Variants in SPIC observed in about 807,000 individuals in gnomAD.
The protein encoded by SPIC is transcription factor Spi-C.
A neutral mutation model predicts 16.7 loss-of-function variants in SPIC; 9 were observed. That is an observed-to-expected ratio of 0.54 (90% confidence interval 0.33 to 0.94). The LOEUF (loss-of-function observed/expected upper bound fraction) is 0.94. SPIC is among the 40% of genes least tolerant of loss of function. SPIC has a pLI of 0.03. For missense variants in SPIC, 241 were observed against 285.8 expected, an observed-to-expected ratio of 0.84 and a Z score of 1.13; for synonymous variants, 97 against 102.9, an observed-to-expected ratio of 0.94 and a Z score of 0.35.
intron 5 of SPIC, 120 bp downstream of exon 5, chr12:101,483,020 T>C: frequency 1.2e-6 from 1 of 819,916 alleles, no homozygotes; most frequent in Non-Finnish European, 2.0e-6. Context: ...TTATCACATT[T>C]GAGAGTAATT....
intron 5 of SPIC, among the ~76,000 whole-genome samples, chr12:101,483,150 T>A (rs149597454): frequency 0.018 from 2,661 of 149,774 alleles, 31 homozygotes; most frequent in Middle Eastern, 0.034. Context: ...CTGAAACTCC[T>A]GGACTCAAGC....
intron 5 of SPIC, among the ~76,000 whole-genome samples, chr12:101,486,042 C>A (rs1360276638): frequency 6.6e-6 from 1 of 152,190 alleles, no homozygotes; most frequent in African/African-American, 2.4e-5. Context: ...CTCAAGTGAT[C>A]CGCCCTCCTC....
chr12:101,482,942 A>T (rs759805266), intron 5 of SPIC, 42 bp downstream of exon 5: 3 of 1,528,906 alleles, frequency 2.0e-6, no homozygotes, highest in Middle Eastern at 1.7e-4. Context: ...AAAGAACCAG[A>T]TCTTCCTCAT....
chr12:101,475,551 T>A (rs1872933149), intron 1 of SPIC, 49 bp downstream of exon 1: 1 of 152,190 alleles, frequency 6.6e-6, no homozygotes, highest in Non-Finnish European at 1.5e-5. Context: ...TCACTGTTCA[T>A]TTTTTCCTTT....
Position 101,479,671 on chromosome 12 carries a change from G to A in SPIC, c.187G>A (p.Val63Ile). Residue 63 changes from valine (V) to isoleucine (I), a missense_variant, in exon 4 of 6, where the codon GTC becomes ATC. Physicochemically the swap from Val to Ile is conservative, Grantham distance 29. Transcript: ENST00000551346. ...CYGVLPTEEPVYNWRTVINSA... is the reference protein window; with the variant it reads ...CYGVLPTEEPIYNWRTVINSA... ...TGGAGTGTTGCCTACAGAGGAGCCT[G>A]TCTATAATTGGAGAACGGTAATTGT... The A allele has an allele frequency of 6.2e-7, 1 of 1,613,306 alleles. No individual in the cohort carries two copies. The highest frequency in any genetic ancestry group is 1.1e-5 in the South Asian group (1 of 91,050).
At chr12:101,480,501 C>A (rs1873153911) in intron 4 of SPIC, among the ~76,000 whole-genome samples, 1 of 152,250 alleles carries the variant, frequency 6.6e-6, no homozygotes, top group Non-Finnish European at 1.5e-5. Context: ...GCCATCTCCC[C>A]ATTCATGTAT....
chr12:101,478,794 T>C (rs1431607274), intron 3 of SPIC, among the ~76,000 whole-genome samples: 1 of 152,146 alleles, frequency 6.6e-6, no homozygotes, highest in Non-Finnish European at 1.5e-5. Context: ...AATGCAAATA[T>C]GTTATGTATT....
chr12:101,478,113 G>A (rs1873019656), intron 3 of SPIC, among the ~76,000 whole-genome samples: 1 of 145,636 alleles, frequency 6.9e-6, no homozygotes, highest in Non-Finnish European at 1.5e-5. Context: ...CTCACTGCAA[G>A]CTCCTCCTCC....
chr12:101,481,045 T>C (rs1873172905), intron 4 of SPIC, among the ~76,000 whole-genome samples: 1 of 152,202 alleles, frequency 6.6e-6, no homozygotes, highest in African/African-American at 2.4e-5. Flanking sequence ...GCCTTCTTGA[T>C]TGGGGTGTGG....
intron 5 of SPIC, among the ~76,000 whole-genome samples, chr12:101,485,802 G>C (rs1162349709): frequency 6.6e-6 from 1 of 152,074 alleles, no homozygotes; most frequent in Non-Finnish European, 1.5e-5. Flanking sequence ...TTTGTTTTTT[G>C]AGACAGATTC....
chr12:101,483,383 G>A (rs1454753240), intron 5 of SPIC, among the ~76,000 whole-genome samples: 2 of 151,986 alleles, frequency 1.3e-5, no homozygotes, highest in Admixed American at 1.3e-4. Context: ...AACACATAGA[G>A]CTGTCATCTC....
chr12:101,479,172 A>AAAGAAAGAAAGAAAGAAAGAAAG (rs1555208932), intron 3 of SPIC, among the ~76,000 whole-genome samples: 1 of 82,934 alleles, frequency 1.2e-5, no homozygotes, highest in African/African-American at 5.6e-5. Flanking sequence ...GAAAGAAAGA[A>AAAGAAAGAAAGAAAGAAAGAAAG]AAAGAAAGAA....
chr12:101,486,811 C>G lies in SPIC; in HGVS notation c.*40C>G. The G allele has an allele frequency of 6.9e-7, 1 of 1,448,304 alleles. No individual in the cohort carries two copies. The highest frequency in any genetic ancestry group is 9.2e-7 in the Non-Finnish European group (1 of 1,084,650). The allele number at this position is 1,448,304 out of a possible 1,614,324, so 89.7% of individuals were successfully genotyped here. A position where few individuals can be genotyped will look rare whatever the true frequency, so the allele number is the denominator to read the frequency against. On this transcript the variant is annotated 3_prime_UTR_variant, in exon 6 of 6. Coordinates refer to ENST00000551346, the MANE Select transcript of SPIC (RefSeq NM_152323.3). Reference sequence around the variant, plus strand: ...TTCATGGTTTACTGGCATCGGAAATCTCTACAAGTTTTAATGATTTCTCCC... The same window carrying G: ...TTCATGGTTTACTGGCATCGGAAATGTCTACAAGTTTTAATGATTTCTCCC...
intron 3 of SPIC, among the ~76,000 whole-genome samples, chr12:101,479,270 G>GAA (rs1565831252): frequency 1.1e-5 from 1 of 93,080 alleles, no homozygotes; most frequent in East Asian, 2.5e-4. Flanking sequence ...AGGAAAGAAA[G>GAA]AAAGAAAGAA....
rs914265877 is a variant in SPIC, at chr12:101,475,427, T to C, written c.-153T>C. 2.6e-5 allele frequency: 4 copies of C among 152,210 alleles called. No homozygotes were observed. The highest frequency in any genetic ancestry group is 6.5e-5 in the Admixed American group (1 of 15,272). 9.4% of individuals were successfully genotyped at this position (152,210 alleles called of 1,614,324 possible). On this transcript the variant is annotated 5_prime_UTR_variant, in exon 1 of 6. Coordinates refer to ENST00000551346, the MANE Select transcript of SPIC (RefSeq NM_152323.3). The stretch of plus-strand genomic sequence containing the variant: ...TGCACTGGAAAATAATTTTTTATTT[T>C]CATGATAGCCTACCGTTGAATTTAC...
intron 5 of SPIC, among the ~76,000 whole-genome samples, chr12:101,483,462 C>T (rs1873271070): frequency 6.8e-6 from 1 of 147,622 alleles, no homozygotes; most frequent in Non-Finnish European, 1.5e-5. Context: ...AGTTAGCTTT[C>T]TATTTTTTAA....
In SPIC at chr12:101,486,858, C is replaced by T. The variant is rs535158793; in HGVS notation, c.*87C>T. ...TCCCTCCCTCTCTTTTTTTCCTCCTCTGAAGAAATTTAGGATTTTTCTCTT... is the reference window on the plus strand; with the variant it reads ...TCCCTCCCTCTCTTTTTTTCCTCCTTTGAAGAAATTTAGGATTTTTCTCTT... On this transcript the variant is annotated 3_prime_UTR_variant, in exon 6 of 6. Coordinates refer to ENST00000551346, the MANE Select transcript of SPIC (RefSeq NM_152323.3). 3.4e-6 allele frequency: 4 copies of T among 1,186,030 alleles called. No individual in the cohort carries two copies. In the South Asian group the frequency reaches 7.7e-5, roughly 23 times the overall value. 73.5% of individuals were successfully genotyped at this position (1,186,030 alleles called of 1,614,324 possible). A position where few individuals can be genotyped will look rare whatever the true frequency, so the allele number is the denominator to read the frequency against.
At position 101,482,860 on chromosome 12, in the gene SPIC, G is replaced by C. The variant is rs545846528; in HGVS notation, c.279G>C (p.Gln93His). 6.2e-7 allele frequency: 1 copy of C among 1,614,000 alleles called. No homozygotes were observed. Among genetic ancestry groups the C allele is most frequent in the Admixed American group, 1.7e-5 (1 of 59,992 alleles). ...HQSLQNITEN[Q>H]LVQPTLLQQK... is the part of the protein sequence containing the mutation. The stretch of plus-strand genomic sequence containing the variant: ...CTCTGCAGAACATAACTGAAAACCA[G>C]CTGGTACAACCCACTCTTCTCCAGC... Residue 93 changes from glutamine to histidine, a missense_variant, in exon 5 of 6, where the codon CAG (glutamine) becomes CAC (histidine). By Grantham distance (24) the Gln-to-His change is conservative (BLOSUM62 0). Transcript: ENST00000551346.
chr12:101,476,749 T>C (rs1448629520), intron 1 of SPIC, 79 bp from the exon 2 acceptor site: 3 of 421,508 alleles, frequency 7.1e-6, no homozygotes, highest in Non-Finnish European at 1.3e-5. Context: ...TTTCAGAAAA[T>C]ATTTTTGAGC....
Sources: allele counts gnomAD v4.1 joint callset (sites outside exome capture counted in the v4.1 genomes callset), GRCh38; gene constraint gnomAD v4.1.1; transcripts MANE v1.5; gene names NCBI Gene and HGNC (gene_info 2026-07-23, HGNC 2026-07-21).